Variants in NEXMIF observed in about 807,000 individuals in gnomAD.
NEXMIF encodes XLMR protein related to neurite extension.
In NEXMIF, 8 loss-of-function variants were observed where a neutral mutation model predicts 62.1. The ratio of observed to expected loss-of-function variants is 0.13; its 90% CI spans 0.08 to 0.23. The LOEUF (loss-of-function observed/expected upper bound fraction) is 0.23. Among genes scored for constraint, NEXMIF ranks in the 10% least tolerant of loss-of-function variants. The pLI is 1.00. For missense variants in NEXMIF, 976 were observed against 1,113.3 expected (o/e 0.88, Z 1.75); for synonymous variants, 404 against 416.6 (o/e 0.97, Z 0.37).
chrX:74,851,869 C>T (rs2080514966), intron 1 of NEXMIF, among the ~76,000 whole-genome samples: 1 of 111,408 alleles, frequency 9.0e-6, no homozygotes, highest in Non-Finnish European at 1.9e-5. Flanking sequence ...AACCACCAAA[C>T]CATAATGAAT....
intron 1 of NEXMIF, among the ~76,000 whole-genome samples, chrX:74,874,027 T>C (rs1264140783): frequency 9.0e-6 from 1 of 110,823 alleles, no homozygotes; most frequent in East Asian, 2.9e-4. Context: ...TTGTCTTTTG[T>C]TGCCATTGCT....
chrX:74,856,356 A>G (rs1276414922), intron 1 of NEXMIF, among the ~76,000 whole-genome samples: 1 of 111,970 alleles, frequency 8.9e-6, no homozygotes. Context: ...ACTTGAAGAT[A>G]TATTGATTGA....
chrX:74,914,188 T>C (rs965848833), intron 1 of NEXMIF, among the ~76,000 whole-genome samples: 5 of 112,234 alleles, frequency 4.5e-5, no homozygotes, highest in African/African-American at 1.6e-4. Context: ...ATGTTGATAC[T>C]AGTAGACTAT....
At chrX:74,900,192 C>T (rs777854119) in intron 1 of NEXMIF, among the ~76,000 whole-genome samples, 9 of 110,994 alleles carry the variant, frequency 8.1e-5, no homozygotes, top group Non-Finnish European at 1.3e-4. Flanking sequence ...GGGCCAGGCG[C>T]GGTGGCTCAC....
At chrX:74,843,953 A>G (rs1214880581) in intron 1 of NEXMIF, among the ~76,000 whole-genome samples, 1 of 112,054 alleles carries the variant, frequency 8.9e-6, no homozygotes, top group Non-Finnish European at 1.9e-5. Context: ...GCTTCTTTCA[A>G]GATCTCTTGT....
intron 1 of NEXMIF, among the ~76,000 whole-genome samples, chrX:74,886,751 T>C (rs2080695502): frequency 9.2e-6 from 1 of 109,189 alleles, no homozygotes; most frequent in Non-Finnish European, 1.9e-5. Context: ...TTCAATGCCA[T>C]CCCCATCAAG....
intron 1 of NEXMIF, among the ~76,000 whole-genome samples, chrX:74,846,977 G>A (rs2080493926): frequency 8.9e-6 from 1 of 112,208 alleles, no homozygotes; most frequent in Admixed American, 9.4e-5. Context: ...TGCCCATTAA[G>A]TAATGACATA....
At chrX:74,835,054 T>A (rs189863937) in intron 1 of NEXMIF, among the ~76,000 whole-genome samples, 4 of 112,202 alleles carry the variant, frequency 3.6e-5, no homozygotes, top group African/African-American at 1.3e-4. Flanking sequence ...GCTCACTAAT[T>A]CTTTCTTGTG....
chrX:74,905,458 A>T (rs1403907813), intron 1 of NEXMIF, among the ~76,000 whole-genome samples: 1 of 112,394 alleles, frequency 8.9e-6, no homozygotes, highest in African/African-American at 3.2e-5. Context: ...CTCCAAGTAG[A>T]GATCCAAGTA....
At chrX:74,922,366 G>C (rs1312280566) in intron 1 of NEXMIF, among the ~76,000 whole-genome samples, 2 of 107,827 alleles carry the variant, frequency 1.9e-5, no homozygotes, top group East Asian at 5.6e-4. Context: ...GTGTGTGTGT[G>C]TGTGAAAAAG....
intron 1 of NEXMIF, among the ~76,000 whole-genome samples, chrX:74,882,630 G>C (rs2080670372): frequency 8.9e-6 from 1 of 112,079 alleles, no homozygotes; most frequent in African/African-American, 3.2e-5. Context: ...GGCTTGAGTA[G>C]GTAAACGAAG....
intron 1 of NEXMIF, among the ~76,000 whole-genome samples, chrX:74,792,804 C>CT (rs1384580107): frequency 6.0e-5 from 5 of 83,280 alleles, no homozygotes; most frequent in Non-Finnish European, 9.3e-5. Context: ...CAACCCCTGC[C>CT]TTTTTTTGTT....
In NEXMIF at chrX:74,737,390, G is replaced by A. The variant is rs894935317; in HGVS notation, c.*2015C>T. ...TTTCCCTTTTGAATGGTAGCTATGG[G>A]GCAGGAGACATGTTTCATCTGGTGC... On this transcript the variant is annotated 3_prime_UTR_variant, in exon 4 of 4. Transcript: ENST00000055682. 2 of 111,739 alleles carry A rather than the reference G, an allele frequency of 1.8e-5. No individual in the cohort carries two copies. The highest frequency in any genetic ancestry group is 1.9e-4 in the Admixed American group (2 of 10,477). The allele number at this position is 111,739 out of a possible 1,213,427, so 9.2% of individuals were successfully genotyped here.
rs760768220 is a variant in NEXMIF, at chrX:74,906,629, G to A, written c.-48+18254C>T. Among the ~76,000 whole-genome samples, 9 of 110,300 alleles carry A rather than the reference G, an allele frequency of 8.2e-5. 1 individual carries two copies. The highest frequency in any genetic ancestry group is 9.3e-3 in the Middle Eastern group (2 of 216). On this transcript the variant is annotated intron_variant, in intron 1 of 3. Transcript: ENST00000055682. ...ATAACACCACAAATCACCTTCTGCC[G>A]TCCCTTCTTGAGCCAAATTCCTACT... is the stretch of plus-strand genomic sequence containing the variant.
intron 1 of NEXMIF, among the ~76,000 whole-genome samples, chrX:74,800,306 C>G: frequency 9.0e-6 from 1 of 111,383 alleles, no homozygotes; most frequent in East Asian, 2.8e-4. Flanking sequence ...CTAAGTGAAA[C>G]ATTTGTTAAC....
At chrX:74,903,300 T>C (rs1402633626) in intron 1 of NEXMIF, among the ~76,000 whole-genome samples, 1 of 101,055 alleles carries the variant, frequency 9.9e-6, no homozygotes, top group African/African-American at 3.7e-5. Context: ...TTCCCAGTCC[T>C]GGAGTCCTCA....
At chrX:74,827,217 T>A (rs959364798) in intron 1 of NEXMIF, among the ~76,000 whole-genome samples, 4 of 112,443 alleles carry the variant, frequency 3.6e-5, no homozygotes, top group African/African-American at 6.5e-5. Flanking sequence ...TATCTAGTTC[T>A]TGTGAAGGGT....
intron 1 of NEXMIF, among the ~76,000 whole-genome samples, chrX:74,886,357 T>C (rs2147362243): frequency 9.0e-6 from 1 of 111,704 alleles, no homozygotes; most frequent in African/African-American, 3.3e-5. Flanking sequence ...GGAAGTCAAA[T>C]TGTCCCTGTT....
rs1448925618 is a variant in NEXMIF at position 74,776,742 on chromosome X, A to C, written c.-47-31045T>G. Among the ~76,000 whole-genome samples, 290 of 108,484 alleles carry C rather than the reference A, an allele frequency of 2.7e-3. 2 individuals carry two copies. The highest frequency in any genetic ancestry group is 9.0e-3 in the African/African-American group (269 of 29,916). The allele number at this position is 108,484 out of a possible 115,157, so 94.2% of individuals were successfully genotyped here. Reference sequence around the variant, plus strand: ...AACTCAGTCTCAAAAAAAAAAAAAAAAAACAAACAAAAAAAGGAAGTAGGA... The same window carrying C: ...AACTCAGTCTCAAAAAAAAAAAAAACAAACAAACAAAAAAAGGAAGTAGGA... On this transcript the variant is annotated intron_variant, in intron 1 of 3. Transcript: ENST00000055682.
Sources: gnomAD v4.1 joint callset for allele counts (sites outside exome capture counted in the v4.1 genomes callset) on GRCh38, gnomAD v4.1.1 for gene constraint, MANE v1.5 for transcripts, NCBI Gene and HGNC (gene_info 2026-07-23, HGNC 2026-07-21) for gene names.